The following HIVEP1 variants were observed in gnomAD, a reference collection of about 807,000 sequenced individuals.
HIVEP1 encodes the protein HIVEP zinc finger 1, also known as zinc finger protein 40.
A neutral mutation model predicts 180.0 loss-of-function variants in HIVEP1; 36 were observed. The ratio of observed to expected loss-of-function variants is 0.20; its 90% CI spans 0.15 to 0.26. The LOEUF (loss-of-function observed/expected upper bound fraction) is 0.26, where lower values mean the gene tolerates loss of function less well. Among genes scored for constraint, HIVEP1 ranks in the 10% least tolerant of loss-of-function variants. The pLI is 1.00. For synonymous variants in HIVEP1, 1,239 were observed against 1,239.0 expected, an observed-to-expected ratio of 1.00 and a Z score of 0.00; for missense variants, 3,143 against 3,268.7, an observed-to-expected ratio of 0.96 and a Z score of 0.94.
intron 2 of HIVEP1, among the ~76,000 whole-genome samples, chr6:12,066,548 G>A (rs1363245194): frequency 6.6e-6 from 1 of 152,194 alleles, no homozygotes; most frequent in African/African-American, 2.4e-5. Flanking sequence ...TTTGGCCAGA[G>A]TCCTTGGAAG....
Position 12,164,853 on chromosome 6 carries a change from AAATT to A in HIVEP1, c.*394_*397del, listed in dbSNP as rs2113701681. On this transcript the variant is annotated 3_prime_UTR_variant, in exon 9 of 9. Transcript: ENST00000379388. ...GCTATGGGGCAGAGTTTCTGTGTAT[AAATT>A]AGTATGTAAACTCCATATTTATTGT... The A allele has an allele frequency of 5.3e-6, 1 of 186,982 alleles. No individual in the cohort carries two copies. The highest frequency in any genetic ancestry group is 9.6e-5 in the South Asian group (1 of 10,462). 11.6% of individuals were successfully genotyped at this position (186,982 alleles called of 1,614,324 possible).
At chr6:12,035,184 A>G (rs934212979) in intron 2 of HIVEP1, among the ~76,000 whole-genome samples, 4 of 152,234 alleles carry the variant, frequency 2.6e-5, no homozygotes, top group African/African-American at 4.8e-5. Context: ...GCTGTTCAGT[A>G]TATTCCTCAG....
At chr6:12,119,813 A>T (rs1775448202) in intron 3 of HIVEP1, 77 bp from the exon 4 acceptor site, 1 of 905,438 alleles carries the variant, frequency 1.1e-6, no homozygotes, top group Admixed American at 2.7e-5. Context: ...TATGATAGTA[A>T]TCTTAATTTT....
At chr6:12,049,528 T>C (rs1020325642) in intron 2 of HIVEP1, among the ~76,000 whole-genome samples, 4 of 152,236 alleles carry the variant, frequency 2.6e-5, no homozygotes, top group Non-Finnish European at 4.4e-5. Flanking sequence ...TAAATGACTA[T>C]ACGATATTAA....
chr6:12,041,883 T>A (rs9394479), intron 2 of HIVEP1, among the ~76,000 whole-genome samples: 44,486 of 151,668 alleles, frequency 0.29, 7,554 homozygotes, highest in East Asian at 0.4. Context: ...ATGGTCTTGA[T>A]CTCCTGACCT....
Position 12,123,675 on chromosome 6 carries a change from A to G in HIVEP1, c.3880A>G (p.Thr1294Ala). The G allele has an allele frequency of 6.2e-7, 1 of 1,614,018 alleles. No individual in the cohort carries two copies. Among genetic ancestry groups the G allele is most frequent in the East Asian group, 2.2e-5 (1 of 44,888 alleles). Residue 1294 changes from threonine to alanine, a missense_variant, in exon 4 of 9, where the codon ACA (threonine) becomes GCA (alanine). Around this residue, in one of 12 missense-constraint regions of HIVEP1, gnomAD observed 1,357 missense variants for 1,260.5 expected, o/e 1.08. Coordinates refer to ENST00000379388, the MANE Select transcript of HIVEP1 (RefSeq NM_002114.4). ...LRLAEIEHSS[T>A]ESSFDSTLSR... The stretch of plus-strand genomic sequence containing the variant: ...TCTGGCTGAGATAGAACATTCCTCA[A>G]CAGAATCGAGCTTTGATTCCACTCT...
chr6:12,096,626 C>G (rs1259818176), intron 3 of HIVEP1, among the ~76,000 whole-genome samples: 1 of 151,600 alleles, frequency 6.6e-6, no homozygotes, highest in Non-Finnish European at 1.5e-5. Context: ...TGGTGACTCT[C>G]ATTTAAAAAA....
At chr6:12,027,308 G>A (rs1008672818) in intron 2 of HIVEP1, among the ~76,000 whole-genome samples, 2 of 152,172 alleles carry the variant, frequency 1.3e-5, no homozygotes, top group Non-Finnish European at 2.9e-5. Flanking sequence ...GTATGTGAGG[G>A]TCCGCTGCCT....
chr6:12,017,541 G>A (rs1225821709), intron 2 of HIVEP1, among the ~76,000 whole-genome samples: 3 of 152,212 alleles, frequency 2.0e-5, no homozygotes, highest in Non-Finnish European at 2.9e-5. Context: ...AGTTGCAACT[G>A]CTGCCTCCGG....
chr6:12,022,172 C>G lies in HIVEP1; in HGVS notation c.40+6504C>G, dbSNP rs555540703. Among the ~76,000 whole-genome samples the G allele has an allele frequency of 5.3e-5, 8 of 151,600 alleles. No individual in the cohort carries two copies. The East Asian group carries it at 1.4e-3, about 26-fold the overall frequency. ...TTTATATGAAATTTTACTTCACATA[C>G]AGGATTTTTTTTTTTTGAGACGGAG... On this transcript the variant is annotated intron_variant, in intron 2 of 8. Coordinates refer to ENST00000379388, the MANE Select transcript of HIVEP1 (RefSeq NM_002114.4).
chr6:12,042,166 G>A (rs912667137), intron 2 of HIVEP1, among the ~76,000 whole-genome samples: 1 of 145,776 alleles, frequency 6.9e-6, no homozygotes, highest in East Asian at 2.1e-4. Flanking sequence ...TGCAAGCTCC[G>A]CTTCCCGGGT....
At chr6:12,167,324 T>C (rs1290388176), downstream of HIVEP1, among the ~76,000 whole-genome samples, 1 of 151,876 alleles carries the variant, frequency 6.6e-6, no homozygotes, top group Non-Finnish European at 1.5e-5. Flanking sequence ...CAGGGTTCTT[T>C]TTGACTTTTC....
At chr6:12,041,849 CG>C (rs1561879880) in intron 2 of HIVEP1, among the ~76,000 whole-genome samples, 1 of 117,988 alleles carries the variant, frequency 8.5e-6, no homozygotes, top group Non-Finnish European at 1.8e-5. Flanking sequence ...TTAGTAGAAA[CG>C]GGTTTTCACC....
At chr6:12,209,258 C>T in the HIVEP1 span, among the ~76,000 whole-genome samples, 3 of 152,102 alleles carry the variant, frequency 2.0e-5, no homozygotes, top group Non-Finnish European at 2.9e-5. Flanking sequence ...ACGGTGAAAC[C>T]CTGTCTCTAC....
At chr6:12,034,724 C>T (rs1242244392) in intron 2 of HIVEP1, among the ~76,000 whole-genome samples, 1 of 152,156 alleles carries the variant, frequency 6.6e-6, no homozygotes, top group South Asian at 2.1e-4. Context: ...TTCGTAAAAC[C>T]TATGCATGTA....
Position 12,135,808 on chromosome 6 carries a change from A to C in HIVEP1, c.6403A>C (p.Met2135Leu). 1.9e-6 allele frequency: 3 copies of C among 1,610,408 alleles called. No individual in the cohort carries two copies. Among genetic ancestry groups the C allele is most frequent in the Non-Finnish European group, 2.5e-6 (3 of 1,176,926 alleles). The stretch of plus-strand genomic sequence containing the variant: ...CCCTTAAGGAAATCTGACAAAACAC[A>C]TGAAGTCCAAGGCACATAGCAAGAA... ...FKTKGNLTKH[M>L]KSKAHSKKCV... is the part of the protein sequence containing the mutation. Residue 2135 changes from methionine to leucine, a missense_variant, in exon 7 of 9, where the codon ATG (methionine) becomes CTG (leucine). Coordinates refer to ENST00000379388, the MANE Select transcript of HIVEP1 (RefSeq NM_002114.4).
intron 2 of HIVEP1, among the ~76,000 whole-genome samples, chr6:12,031,560 T>A (rs1008972847): frequency 6.6e-6 from 1 of 152,218 alleles, no homozygotes; most frequent in East Asian, 1.9e-4. Flanking sequence ...CTGGTGAACC[T>A]GGCCTGGCAA....
At chr6:12,100,324 T>A (rs1774043085) in intron 3 of HIVEP1, among the ~76,000 whole-genome samples, 1 of 152,140 alleles carries the variant, frequency 6.6e-6, no homozygotes, top group Non-Finnish European at 1.5e-5. Context: ...TTATAGCATT[T>A]TTCAAAGTGG....
At chr6:12,206,348 C>T in the HIVEP1 span, among the ~76,000 whole-genome samples, 28 of 151,938 alleles carry the variant, frequency 1.8e-4, no homozygotes, top group Non-Finnish European at 3.5e-4. Context: ...TTGGCCAGGC[C>T]GGTCTTGAAC....
Sources: allele counts gnomAD v4.1 joint callset (sites outside exome capture counted in the v4.1 genomes callset), GRCh38; gene constraint gnomAD v4.1.1; regional missense constraint gnomAD v4.1.1; transcripts MANE v1.5; gene names NCBI Gene and HGNC (gene_info 2026-07-23, HGNC 2026-07-21).